Variants in BTBD9 observed in about 807,000 individuals in gnomAD.
BTBD9 encodes BTB domain containing 9.
BTBD9 carries 49 observed loss-of-function variants against 64.3 expected under a neutral mutation model. The observed-to-expected ratio is 0.76, with a 90% CI of 0.61 to 0.97. The LOEUF is 0.97. Ranked by LOEUF, BTBD9 falls within the 50% of genes least tolerant of loss-of-function variation. The pLI, the probability that BTBD9 is intolerant of heterozygous loss-of-function variation, is 0.00. For missense variants in BTBD9, 598 were observed against 762.1 expected, an observed-to-expected ratio of 0.78 and a Z score of 2.53; for synonymous variants, 260 against 274.7, an observed-to-expected ratio of 0.95 and a Z score of 0.53.
At chr6:38,435,372 T>C (rs1768667715) in intron 6 of BTBD9, among the ~76,000 whole-genome samples, 1 of 151,040 alleles carries the variant, frequency 6.6e-6, no homozygotes, top group Non-Finnish European at 1.5e-5. Context: ...GTGGTGGCGG[T>C]GCCTGTAATC....
chr6:38,190,492 A>G (rs1368647677), intron 10 of BTBD9, among the ~76,000 whole-genome samples: 3 of 138,134 alleles, frequency 2.2e-5, no homozygotes, highest in African/African-American at 7.9e-5. Flanking sequence ...AAAAAAAAAG[A>G]TGTTTCCCAG....
chr6:38,216,935 T>C (rs534068176), intron 9 of BTBD9, among the ~76,000 whole-genome samples: 2 of 152,036 alleles, frequency 1.3e-5, no homozygotes, highest in South Asian at 2.1e-4. Flanking sequence ...ATTCAGTAGG[T>C]AGGAGAGGTG....
At chr6:38,588,271 T>C in intron 4 of BTBD9, 1 of 1,151,110 alleles carries the variant, frequency 8.7e-7, no homozygotes, top group Non-Finnish European at 1.3e-6. Context: ...AACAACTGCC[T>C]GCTCAGCTGC....
chr6:38,509,364 TA>T (rs1772679569), intron 6 of BTBD9, among the ~76,000 whole-genome samples: 3 of 152,232 alleles, frequency 2.0e-5, no homozygotes, highest in Non-Finnish European at 4.4e-5. Flanking sequence ...TTGCATCAAC[TA>T]TAAGTAAAGA....
intron 9 of BTBD9, among the ~76,000 whole-genome samples, chr6:38,207,819 A>G (rs953367874): frequency 6.6e-5 from 10 of 152,188 alleles, no homozygotes; most frequent in African/African-American, 2.4e-4. Context: ...TGGAATATAT[A>G]GTTTTTTTCA....
At chr6:38,571,997 A>C (rs78331571) in intron 6 of BTBD9, among the ~76,000 whole-genome samples, 11 of 135,418 alleles carry the variant, frequency 8.1e-5, no homozygotes, top group Admixed American at 2.2e-4. Flanking sequence ...CACACACACA[A>C]AACCAAAAAC....
At chr6:38,474,981 T>C (rs1466107793) in intron 6 of BTBD9, among the ~76,000 whole-genome samples, 1 of 152,182 alleles carries the variant, frequency 6.6e-6, no homozygotes, top group African/African-American at 2.4e-5. Flanking sequence ...AGAAACTATA[T>C]GTGCTTCAAT....
At chr6:38,636,251 A>AGT (rs1778522027) in intron 1 of BTBD9, among the ~76,000 whole-genome samples, 3 of 152,158 alleles carry the variant, frequency 2.0e-5, no homozygotes, top group Non-Finnish European at 4.4e-5. Flanking sequence ...CCTAACTCCA[A>AGT]AGTCCACTAA....
chr6:38,337,941 G>A lies in BTBD9; in HGVS notation c.1264+7043C>T, dbSNP rs144200069. Among the ~76,000 whole-genome samples, 385 of 152,256 alleles carry A rather than the reference G, an allele frequency of 2.5e-3. 1 individual carries two copies. Among genetic ancestry groups the A allele is most frequent in the Non-Finnish European group, 2.7e-3 (182 of 68,028 alleles). ...GACATGTTCTTGTCTATTTGTTTCCGGTGGTACTGAAGGTAGCAGCAGGTG... is the reference window on the plus strand; with the variant it reads ...GACATGTTCTTGTCTATTTGTTTCCAGTGGTACTGAAGGTAGCAGCAGGTG... On this transcript the variant is annotated intron_variant, in intron 7 of 10. Transcript: ENST00000481247.
At chr6:38,274,326 C>G (rs1227399701) in intron 8 of BTBD9, among the ~76,000 whole-genome samples, 3 of 152,212 alleles carry the variant, frequency 2.0e-5, no homozygotes, top group Non-Finnish European at 2.9e-5. Flanking sequence ...CATCTGCAAA[C>G]AGGGACAATT....
At chr6:38,426,378 C>A (rs1199437123) in intron 6 of BTBD9, among the ~76,000 whole-genome samples, 1 of 151,974 alleles carries the variant, frequency 6.6e-6, no homozygotes, top group African/African-American at 2.4e-5. Context: ...TAAACCCAGG[C>A]ATTCGAGCGG....
intron 7 of BTBD9, among the ~76,000 whole-genome samples, chr6:38,339,073 T>C (rs1764005361): frequency 6.6e-6 from 1 of 152,208 alleles, no homozygotes; most frequent in African/African-American, 2.4e-5. Flanking sequence ...AGGAAAATTC[T>C]ATGTGCATTT....
At chr6:38,198,426 T>C (rs1056996507) in intron 9 of BTBD9, among the ~76,000 whole-genome samples, 5 of 152,192 alleles carry the variant, frequency 3.3e-5, no homozygotes, top group African/African-American at 1.2e-4. Flanking sequence ...TGAGTGGCTC[T>C]GGATGATAAG....
intron 6 of BTBD9, among the ~76,000 whole-genome samples, chr6:38,488,756 A>G (rs992420803): frequency 6.6e-6 from 1 of 152,240 alleles, no homozygotes; most frequent in African/African-American, 2.4e-5. Flanking sequence ...TTGAATTTCA[A>G]AAGTGGTACA....
chr6:38,332,933 A>T (rs1322209075), intron 7 of BTBD9, among the ~76,000 whole-genome samples: 2 of 152,238 alleles, frequency 1.3e-5, no homozygotes, highest in Non-Finnish European at 2.9e-5. Context: ...TAAAAACTCC[A>T]GCAGATCTCC....
At chr6:38,178,963 C>T (rs1204089775) in intron 10 of BTBD9, among the ~76,000 whole-genome samples, 1 of 152,118 alleles carries the variant, frequency 6.6e-6, no homozygotes, top group Non-Finnish European at 1.5e-5. Flanking sequence ...AGCGATTCTC[C>T]TGCCTCAGCC....
chr6:38,465,945 C>T (rs1387371914), intron 6 of BTBD9, among the ~76,000 whole-genome samples: 11 of 146,158 alleles, frequency 7.5e-5, no homozygotes, highest in East Asian at 2.0e-4. Flanking sequence ...ATCCTCTCAT[C>T]GCAGCCTCCA....
At chr6:38,607,828 T>A (rs1777482442) in intron 1 of BTBD9, among the ~76,000 whole-genome samples, 1 of 151,458 alleles carries the variant, frequency 6.6e-6, no homozygotes, top group African/African-American at 2.4e-5. Context: ...GTTCAAGCCC[T>A]CTTCAGTCTC....
chr6:38,214,284 T>C (rs1271885047), intron 9 of BTBD9, among the ~76,000 whole-genome samples: 2 of 152,208 alleles, frequency 1.3e-5, no homozygotes, highest in Non-Finnish European at 2.9e-5. Flanking sequence ...AACCCTGCTT[T>C]TTCCTGCACA....
Sources: gnomAD v4.1 joint callset for allele counts (sites outside exome capture counted in the v4.1 genomes callset) on GRCh38, gnomAD v4.1.1 for gene constraint, MANE v1.5 for transcripts, NCBI Gene and HGNC (gene_info 2026-07-23, HGNC 2026-07-21) for gene names.